NOMO1: variants seen among roughly 807,000 people sequenced by gnomAD.
The protein encoded by NOMO1 is nodal modulator 3.
In NOMO1, 40 loss-of-function variants were observed where a neutral mutation model predicts 133.8. That is an observed-to-expected ratio of 0.30 (90% CI 0.23 to 0.39). The LOEUF is 0.39. NOMO1 is among the 10% of genes least tolerant of loss of function. The pLI, the probability that NOMO1 is intolerant of heterozygous loss-of-function variation, is 1.00. For missense variants in NOMO1, 462 were observed against 1,419.9 expected (o/e 0.33, Z 10.84); for synonymous variants, 236 against 570.5 (o/e 0.41, Z 8.36).
chr16:14,889,265 C>T (rs746553047), intron 29 of NOMO1, 50 bp downstream of exon 29: 3 of 1,611,620 alleles, frequency 1.9e-6, no homozygotes, highest in Non-Finnish European at 2.5e-6. Context: ...GGTTTGGTGG[C>T]TCACGCCTGT....
At chr16:14,838,285 A>G in intron 1 of NOMO1, 122 bp from the exon 2 acceptor site, 1 of 960,186 alleles carries the variant, frequency 1.0e-6, no homozygotes, top group East Asian at 2.5e-5. Context: ...GCCCCGTGTT[A>G]AAAGCTGGCA....
rs543693028 is a variant in NOMO1, at chr16:14,875,045, C to T, written c.2064C>T (p.Ile688=). Reference sequence around the variant, plus strand: ...GCCGTCTTTCTTCTAGGTCTTCCATCGACAGTGAACCCGCCTTGGTCTTAG... The same window carrying T: ...GCCGTCTTTCTTCTAGGTCTTCCATTGACAGTGAACCCGCCTTGGTCTTAG... ...MDVTVTIKSS[I]DSEPALVLGP... is the part of the protein sequence containing the mutation. Residue 688 remains isoleucine (I), a synonymous_variant, in exon 19 of 31, where the codon ATC becomes ATT. Coordinates refer to ENST00000287667, the MANE Select transcript of NOMO1 (RefSeq NM_014287.4). 1.1e-5 allele frequency: 17 copies of T among 1,613,786 alleles called. No individual in the cohort carries two copies. Among genetic ancestry groups the T allele is most frequent in the South Asian group, 6.6e-5 (6 of 91,058 alleles).
chr16:14,893,820 T>C (rs1313017152), intron 29 of NOMO1, among the ~76,000 whole-genome samples: 1 of 151,780 alleles, frequency 6.6e-6, no homozygotes, highest in Non-Finnish European at 1.5e-5. Context: ...AAGCTACACA[T>C]TCCGTTAGCT....
chr16:14,866,105 C>T (rs1422656124), intron 14 of NOMO1, among the ~76,000 whole-genome samples: 3 of 148,220 alleles, frequency 2.0e-5, no homozygotes, highest in Non-Finnish European at 3.0e-5. Flanking sequence ...TCACCCAGGC[C>T]GGAGTGTGGT....
At chr16:14,837,968 GGTCT>G (rs1963544695) in intron 1 of NOMO1, among the ~76,000 whole-genome samples, 1 of 129,192 alleles carries the variant, frequency 7.7e-6, no homozygotes, top group Non-Finnish European at 1.6e-5. Flanking sequence ...TGGCCAGGCT[GGTCT>G]CAAATTCCTG....
At chr16:14,887,936 C>CA (rs1361666491) in intron 28 of NOMO1, 5 of 149,350 alleles carry the variant, frequency 3.3e-5, no homozygotes, top group Non-Finnish European at 7.4e-5. Flanking sequence ...CTTGCAGCTC[C>CA]ACCTTTTCAG....
At chr16:14,879,110 T>G (rs1403494377) in intron 23 of NOMO1, among the ~76,000 whole-genome samples, 1 of 151,950 alleles carries the variant, frequency 6.6e-6, no homozygotes, top group Non-Finnish European at 1.5e-5. Flanking sequence ...GGCTGCTCTC[T>G]TAGGCATCTT....
At chr16:14,873,852 G>A (rs1213894259) in intron 18 of NOMO1, among the ~76,000 whole-genome samples, 1 of 151,636 alleles carries the variant, frequency 6.6e-6, no homozygotes. Flanking sequence ...CCCTCCATGA[G>A]CCCCTCTGTG....
intron 4 of NOMO1, among the ~76,000 whole-genome samples, chr16:14,845,537 G>T (rs879358992): frequency 4.3e-4 from 66 of 152,008 alleles, no homozygotes; most frequent in Non-Finnish European, 8.5e-4. Context: ...GACCGCCACG[G>T]TGGTGTGAAT....
At chr16:14,841,962 C>G (rs1303764664) in intron 3 of NOMO1, among the ~76,000 whole-genome samples, 1 of 151,908 alleles carries the variant, frequency 6.6e-6, no homozygotes, top group Non-Finnish European at 1.5e-5. Context: ...CCACTGGGTA[C>G]TTGGACGATT....
At chr16:14,836,358 C>T (rs983076798) in intron 1 of NOMO1, among the ~76,000 whole-genome samples, 1 of 152,060 alleles carries the variant, frequency 6.6e-6, no homozygotes, top group South Asian at 2.1e-4. Context: ...TTATTTCACA[C>T]GAGTCCTTTC....
intron 29 of NOMO1, among the ~76,000 whole-genome samples, chr16:14,892,685 C>T (rs1474038200): frequency 2.7e-5 from 4 of 150,426 alleles, no homozygotes; most frequent in Admixed American, 6.6e-5. Context: ...ATGAAGAGAG[C>T]GCCCACTCTG....
chr16:14,856,235 A>C (rs1963832332), intron 9 of NOMO1, among the ~76,000 whole-genome samples: 1 of 152,070 alleles, frequency 6.6e-6, no homozygotes, highest in South Asian at 2.1e-4. Flanking sequence ...AGTTTGATGA[A>C]GATACTAAAA....
At chr16:14,881,485 C>A in intron 24 of NOMO1, 59 bp from the exon 25 acceptor site, 1 of 1,606,386 alleles carries the variant, frequency 6.2e-7, no homozygotes, top group Non-Finnish European at 8.5e-7. Context: ...ACGGGAAACA[C>A]TTGGGTCCTT....
At chr16:14,882,550 A>G in intron 25 of NOMO1, 44 bp from the exon 26 acceptor site, 2 of 1,611,422 alleles carry the variant, frequency 1.2e-6, no homozygotes, top group Non-Finnish European at 1.7e-6. Context: ...GCACGATACG[A>G]CAAGCCCCCT....
At chr16:14,866,352 G>A (rs11489913) in intron 14 of NOMO1, among the ~76,000 whole-genome samples, 3 of 150,972 alleles carry the variant, frequency 2.0e-5, no homozygotes, top group African/African-American at 2.5e-5. Context: ...GAGCCACCAC[G>A]CTCGACTCCA....
rs547542579 is a variant in NOMO1 at position 14,884,858 on chromosome 16, A to G, written c.3222+376A>G. Among the ~76,000 whole-genome samples, 192 of 152,226 alleles carry G rather than the reference A, an allele frequency of 1.3e-3. No homozygotes were observed. In the Middle Eastern group the frequency reaches 0.014, roughly 11 times the overall value. On this transcript the variant is annotated intron_variant, in intron 27 of 30. Coordinates refer to ENST00000287667, the MANE Select transcript of NOMO1 (RefSeq NM_014287.4). ...TTTTCTCTGGAGTGGAGGTCGTATT[A>G]AATGTTCTTGCATTGGTTTAAAGAA...
intron 26 of NOMO1, among the ~76,000 whole-genome samples, 178 bp from the exon 27 acceptor site, chr16:14,884,194 G>C (rs1964286776): frequency 6.6e-6 from 1 of 151,952 alleles, no homozygotes; most frequent in Non-Finnish European, 1.5e-5. Flanking sequence ...TATGGGCCAG[G>C]GATAGCCATC....
At chr16:14,889,285 A>G in intron 29 of NOMO1, 70 bp downstream of exon 29, 1 of 1,611,226 alleles carries the variant, frequency 6.2e-7, no homozygotes, top group Non-Finnish European at 8.5e-7. Flanking sequence ...TAATCCCAGC[A>G]CTTTGGGAGG....
Sources: allele counts gnomAD v4.1 joint callset (sites outside exome capture counted in the v4.1 genomes callset), GRCh38; gene constraint gnomAD v4.1.1; transcripts MANE v1.5; gene names NCBI Gene and HGNC (gene_info 2026-07-23, HGNC 2026-07-21).